Variants in MED23 observed in about 807,000 individuals in gnomAD.
MED23 encodes the protein mediator complex subunit 23, also known as mediator of RNA polymerase II transcription subunit 23.
MED23 carries 105 observed loss-of-function variants against 163.9 expected under a neutral mutation model. That is an observed-to-expected ratio of 0.64 (90% CI 0.55 to 0.75). The LOEUF is 0.75. Among genes scored for constraint, MED23 ranks in the 30% least tolerant of loss-of-function variants. The pLI is 0.00. For missense variants in MED23, 1,054 were observed against 1,649.0 expected (o/e 0.64, Z 6.25); for synonymous variants, 561 against 565.6 (o/e 0.99, Z 0.12).
chr6:131,604,176 A>C lies in MED23; in HGVS notation c.1756+2T>G. 6.2e-7 allele frequency: 1 copy of C among 1,613,558 alleles called. No homozygotes were observed. Among genetic ancestry groups the C allele is most frequent in the Non-Finnish European group, 8.5e-7 (1 of 1,179,534 alleles). Reference sequence around the variant, plus strand: ...TATAAACACCAGAAAGTCCTGTCTTACTGATAAATCCTTTGATGCCCAAAG... The same window carrying C: ...TATAAACACCAGAAAGTCCTGTCTTCCTGATAAATCCTTTGATGCCCAAAG... On this transcript the variant is annotated splice_donor_variant, in intron 15 of 28. Transcript: ENST00000368068. LOFTEE classifies it high-confidence loss of function.
intron 22 of MED23, among the ~76,000 whole-genome samples, chr6:131,594,618 A>T (rs538443145): frequency 6.6e-6 from 1 of 152,324 alleles, no homozygotes; most frequent in African/African-American, 2.4e-5. Context: ...CCCTTGACAT[A>T]CAACAAGGGA....
chr6:131,583,024 T>C, downstream of MED23: 1 of 1,473,418 alleles, frequency 6.8e-7, no homozygotes, highest in Non-Finnish European at 9.4e-7. Context: ...ACAGTCAGCC[T>C]TATTAATTAT....
At position 131,604,384 on chromosome 6, in the gene MED23, CTACTT is replaced by C. The variant is rs1367153909; in HGVS notation, c.1614-69_1614-65del. The C allele has an allele frequency of 1.7e-5, 25 of 1,513,868 alleles. No individual in the cohort carries two copies. The African/African-American group carries it at 2.5e-4, about 15-fold the overall frequency. The allele number at this position is 1,513,868 out of a possible 1,614,324, so 93.8% of individuals were successfully genotyped here. ...TTTTGACATAAACATAGGGGCTACT[CTACTT>C]AGAAGTAACTTAGTATAAATCTGAA... is the stretch of plus-strand genomic sequence containing the variant. On this transcript the variant is annotated intron_variant, in intron 14 of 28. Coordinates refer to ENST00000368068, the MANE Select transcript of MED23 (RefSeq NM_004830.4).
intron 12 of MED23, 68 bp downstream of exon 12, chr6:131,607,860 T>G (rs986502008): frequency 9.7e-6 from 15 of 1,545,640 alleles, no homozygotes; most frequent in African/African-American, 1.4e-5. Flanking sequence ...CACACTAAAA[T>G]CCTTAAACAT....
chr6:131,601,451 T>C (rs564523908), intron 17 of MED23, among the ~76,000 whole-genome samples: 1 of 152,194 alleles, frequency 6.6e-6, no homozygotes, highest in Non-Finnish European at 1.5e-5. Flanking sequence ...ATAAAACAGA[T>C]GTACAGATTA....
rs917020235 is a variant in MED23, at chr6:131,615,503, C to CAAAAAAAAAAAAA, written c.876+391_876+403dup. 4.9e-4 allele frequency among the ~76,000 whole-genome samples: 7 copies of CAAAAAAAAAAAAA among 14,160 alleles called. 2 individuals carry two copies. Among genetic ancestry groups the CAAAAAAAAAAAAA allele is most frequent in the East Asian group, 2.6e-3 (1 of 392 alleles). The allele number at this position is 14,160 out of a possible 152,430, so 9.3% of individuals were successfully genotyped here. ...CCACCAAAAACAAGCAAACACACACCAAAAAAAAAAAAAAAAAAAAAAAAA... is the reference window on the plus strand; with the variant it reads ...CCACCAAAAACAAGCAAACACACACCAAAAAAAAAAAAAAAAAAAAAAAAAAAAAAAAAAAAAA... On this transcript the variant is annotated intron_variant, in intron 10 of 28. Coordinates refer to ENST00000368068, the MANE Select transcript of MED23 (RefSeq NM_004830.4).
At chr6:131,592,295 C>T (rs1433602790) in intron 25 of MED23, 93 bp downstream of exon 25, 18 of 1,074,894 alleles carry the variant, frequency 1.7e-5, no homozygotes, top group Non-Finnish European at 8.7e-6. Context: ...ACGTCCCGTA[C>T]AAGGGCATCC....
rs1368470685 is a variant in MED23, at chr6:131,602,398, TA to T, written c.1932-18del. The T allele has an allele frequency of 6.2e-7, 1 of 1,609,326 alleles. No individual in the cohort carries two copies. The highest frequency in any genetic ancestry group is 1.7e-5 in the Admixed American group (1 of 59,364). On this transcript the variant is annotated intron_variant, in intron 16 of 28. Coordinates refer to ENST00000368068, the MANE Select transcript of MED23 (RefSeq NM_004830.4). ...CTCTCGACACTGAAAATTGGGAGAATAAAAAGAAATGTAAAAAAATTTCAGA... is the reference window on the plus strand; with the variant it reads ...CTCTCGACACTGAAAATTGGGAGAATAAAAGAAATGTAAAAAAATTTCAGA...
intron 7 of MED23, among the ~76,000 whole-genome samples, chr6:131,620,174 GGAAAT>G (rs1776988366): frequency 6.6e-6 from 1 of 151,784 alleles, no homozygotes; most frequent in South Asian, 2.1e-4. Flanking sequence ...CAATGGAAAT[GGAAAT>G]GAAAGAAATA....
At chr6:131,592,298 G>A (rs1029333940) in intron 25 of MED23, 90 bp downstream of exon 25, 2 of 1,093,190 alleles carry the variant, frequency 1.8e-6, no homozygotes, top group African/African-American at 3.1e-5. Flanking sequence ...TCCCGTACAA[G>A]GGCATCCTAT....
chr6:131,578,186 T>A (rs201882181), intron 30 of MED23, among the ~76,000 whole-genome samples: 9 of 140,088 alleles, frequency 6.4e-5, no homozygotes, highest in Middle Eastern at 3.6e-3. Context: ...CGTAAATCTT[T>A]AAAAAAAAAA....
At chr6:131,605,657 A>G (rs1314002882) in intron 13 of MED23, among the ~76,000 whole-genome samples, 172 bp from the exon 14 acceptor site, 1 of 152,190 alleles carries the variant, frequency 6.6e-6, no homozygotes, top group Non-Finnish European at 1.5e-5. Flanking sequence ...TAGAAGTTTG[A>G]GTAGCATTTC....
chr6:131,596,194 G>A, intron 21 of MED23, 31 bp from the exon 22 acceptor site: 1 of 1,589,352 alleles, frequency 6.3e-7, no homozygotes, highest in Non-Finnish European at 8.6e-7. Context: ...TAAATGGTTA[G>A]AGCATTTTTT....
At chr6:131,600,224 A>G in intron 17 of MED23, 62 bp from the exon 18 acceptor site, 1 of 1,453,358 alleles carries the variant, frequency 6.9e-7, no homozygotes, top group South Asian at 1.2e-5. Flanking sequence ...TTCATAAAAG[A>G]TTATAGCGAA....
chr6:131,605,844 C>T (rs2114673103), intron 13 of MED23, among the ~76,000 whole-genome samples: 1 of 152,164 alleles, frequency 6.6e-6, no homozygotes, highest in South Asian at 2.1e-4. Flanking sequence ...TTACAGATAC[C>T]ACTATGAAAA....
intron 16 of MED23, 87 bp from the exon 17 acceptor site, chr6:131,602,468 C>T (rs1775555693): frequency 3.4e-6 from 4 of 1,165,724 alleles, no homozygotes; most frequent in Admixed American, 2.2e-5. Context: ...GAAAAACATG[C>T]AATCTATGAC....
rs764648012 is a variant in MED23 at position 131,598,793 on chromosome 6, G to C, written c.2221-32C>G. On this transcript the variant is annotated intron_variant, in intron 18 of 28. Transcript: ENST00000368068. This position sits in a 1 kb window ranked among gnomAD's most constrained non-coding sequence, Gnocchi z 4.7. ...AGAGGATTAGAAGTTTATTTCATTG[G>C]TTATAGTAGAAAGAGCACTGGATAT... The C allele has an allele frequency of 1.3e-6, 2 of 1,592,518 alleles. No individual in the cohort carries two copies. Among genetic ancestry groups the C allele is most frequent in the African/African-American group, 2.7e-5 (2 of 74,408 alleles).
rs1775867968 is a variant in MED23, at chr6:131,606,589, T to C, written c.1257A>G (p.Ser419=). The C allele has an allele frequency of 3.1e-6, 5 of 1,613,060 alleles. No individual in the cohort carries two copies. Among genetic ancestry groups the C allele is most frequent in the Non-Finnish European group, 4.2e-6 (5 of 1,179,180 alleles). The change falls in exon 13 of 29, where the codon TCA becomes TCG. Residue 419 remains serine, a synonymous_variant. Transcript: ENST00000368068. The part of the protein sequence containing the change: ...IPVPDINKPQ[S]THAFAMTCIW... ...TACAGGTCATTGCAAAGGCATGGGT[T>C]GACTGGGGTTTGTTAATATCAGGAA... is the stretch of plus-strand genomic sequence containing the variant.
chr6:131,583,753 G>C, downstream of MED23: 2 of 1,613,920 alleles, frequency 1.2e-6, no homozygotes, highest in Non-Finnish European at 1.7e-6. Context: ...GCTACTCTCA[G>C]GATTAGATAT....
Sources: gnomAD v4.1 joint callset for allele counts (sites outside exome capture counted in the v4.1 genomes callset) on GRCh38, gnomAD v4.1.1 for gene constraint, Gnocchi (gnomAD v3.1) non-coding constraint, MANE v1.5 for transcripts, NCBI Gene and HGNC (gene_info 2026-07-23, HGNC 2026-07-21) for gene names.